CEP128: variants seen among roughly 807,000 people sequenced by gnomAD.
CEP128 encodes the protein centrosomal protein 128kDa.
Under a neutral mutation model 156.7 loss-of-function variants are expected in CEP128, and 132 were observed. That is an observed-to-expected ratio of 0.84 (90% CI 0.73 to 0.97). The LOEUF (loss-of-function observed/expected upper bound fraction) is 0.97. CEP128 is among the 50% of genes least tolerant of loss of function. The pLI, the probability that CEP128 is intolerant of heterozygous loss-of-function variation, is 0.00. For missense variants in CEP128, 1,252 were observed against 1,281.9 expected (o/e 0.98, Z 0.36); for synonymous variants, 469 against 448.9 (o/e 1.04, Z -0.57).
At chr14:80,691,405 T>C (rs940068855) in intron 19 of CEP128, among the ~76,000 whole-genome samples, 2 of 152,206 alleles carry the variant, frequency 1.3e-5, no homozygotes, top group South Asian at 2.1e-4. Flanking sequence ...CTCCCCACTA[T>C]TGGGGTTAGA....
At chr14:80,667,488 T>C (rs1050540842) in intron 19 of CEP128, among the ~76,000 whole-genome samples, 5 of 152,110 alleles carry the variant, frequency 3.3e-5, no homozygotes, top group African/African-American at 1.2e-4. Flanking sequence ...ACAATAAAAA[T>C]GAGTTTTTGA....
intron 2 of CEP128, among the ~76,000 whole-genome samples, chr14:80,919,858 G>C (rs1174588893): frequency 6.6e-6 from 1 of 152,126 alleles, no homozygotes; most frequent in Non-Finnish European, 1.5e-5. Context: ...AAAGACTTCA[G>C]CTATAAAGTT....
chr14:80,700,479 A>G (rs1897037367), intron 19 of CEP128, among the ~76,000 whole-genome samples: 1 of 152,170 alleles, frequency 6.6e-6, no homozygotes, highest in Non-Finnish European at 1.5e-5. Context: ...GGGATGGTAG[A>G]AAATAAACCA....
chr14:80,656,874 T>C (rs1486215152), intron 19 of CEP128, among the ~76,000 whole-genome samples: 1 of 152,180 alleles, frequency 6.6e-6, no homozygotes, highest in African/African-American at 2.4e-5. Flanking sequence ...TAATATGATA[T>C]AAACAGAGCG....
At chr14:80,507,706 G>A (rs998414946) in intron 23 of CEP128, among the ~76,000 whole-genome samples, 1 of 152,192 alleles carries the variant, frequency 6.6e-6, no homozygotes, top group Non-Finnish European at 1.5e-5. Context: ...GAGGACAGGA[G>A]TAGAGACACA....
chr14:80,497,489 T>C lies in CEP128; in HGVS notation c.3275A>G (p.Tyr1092Cys), dbSNP rs570304047. The C allele has an allele frequency of 1.1e-5, 17 of 1,607,554 alleles. No individual in the cohort carries two copies. In the African/African-American group the frequency reaches 2.3e-4, roughly 21 times the overall value. ...GTSSQPKKEE[Y>C]GS Reference sequence around the variant, plus strand: ...ATTACATTTGCTTTTTTAGCTCCCATATTCCTCTTTTTTGGGTTGTGAACT... The same window carrying C: ...ATTACATTTGCTTTTTTAGCTCCCACATTCCTCTTTTTTGGGTTGTGAACT... Residue 1092 changes from tyrosine (Y) to cysteine (C), a missense_variant, in exon 25 of 25, where the codon TAT (tyrosine) becomes TGT (cysteine). By Grantham distance (194) the Tyr-to-Cys change is radical. Coordinates refer to ENST00000555265, the MANE Select transcript of CEP128 (RefSeq NM_152446.5).
At chr14:80,607,947 C>T (rs531950891) in intron 19 of CEP128, among the ~76,000 whole-genome samples, 11 of 152,338 alleles carry the variant, frequency 7.2e-5, no homozygotes, top group Non-Finnish European at 1.0e-4. Flanking sequence ...CTCTCCTCCA[C>T]GCAGTCTCAG....
At chr14:80,677,342 T>C (rs1361444206) in intron 19 of CEP128, among the ~76,000 whole-genome samples, 1 of 151,830 alleles carries the variant, frequency 6.6e-6, no homozygotes, top group Non-Finnish European at 1.5e-5. Context: ...AAATGCCGTA[T>C]CTGCTAAAAA....
At position 80,689,670 on chromosome 14, in the gene CEP128, CTG is replaced by C. The variant is rs986603638; in HGVS notation, c.2806+53403_2806+53404del. Among the ~76,000 whole-genome samples the C allele has an allele frequency of 1.1e-4, 17 of 151,564 alleles. No homozygotes were observed. The South Asian group carries it at 1.9e-3, about 17-fold the overall frequency. On this transcript the variant is annotated intron_variant, in intron 19 of 24. Transcript: ENST00000555265. The stretch of plus-strand genomic sequence containing the variant: ...AGAGTTTAAACAATACTGTTGTACT[CTG>C]TGTGTGTGTGTATGTGTATACATAT...
In CEP128 at chr14:80,560,972, C is replaced by T. The variant is rs138585125; in HGVS notation, c.2857-1670G>A. On this transcript the variant is annotated intron_variant, in intron 20 of 24. Coordinates refer to ENST00000555265, the MANE Select transcript of CEP128 (RefSeq NM_152446.5). ...ACAAGAAGTAAAGAGAGAAAAATGG[C>T]GCACAGAATGACTCAGCCCAGGTCT... is the stretch of plus-strand genomic sequence containing the variant. Among the ~76,000 whole-genome samples the T allele has an allele frequency of 6.4e-3, 978 of 152,230 alleles. 4 individuals are homozygous for T. The highest frequency in any genetic ancestry group is 7.0e-3 in the African/African-American group (291 of 41,534).
chr14:80,566,508 T>C (rs909261139), intron 20 of CEP128, among the ~76,000 whole-genome samples: 16 of 152,102 alleles, frequency 1.1e-4, no homozygotes, highest in African/African-American at 3.6e-4. Context: ...TTAAAAAAAA[T>C]TCAAACAAAA....
intron 19 of CEP128, 142 bp from the exon 20 acceptor site, chr14:80,580,565 A>G: frequency 1.7e-6 from 1 of 576,684 alleles, no homozygotes; most frequent in African/African-American, 1.8e-5. Context: ...AAGCCATGTA[A>G]AAGAAACACG....
intron 19 of CEP128, among the ~76,000 whole-genome samples, chr14:80,588,595 G>T (rs1346916607): frequency 2.0e-5 from 3 of 151,856 alleles, no homozygotes; most frequent in Non-Finnish European, 2.9e-5. Flanking sequence ...AACTTGATTG[G>T]TCAACAAATC....
In CEP128 at chr14:80,928,961, C is replaced by T. The variant is rs550004431; in HGVS notation, c.-16+10424G>A. ...ACAACCTACAGGATGGGAGAAAATA[C>T]TTGCAAATTATATATCCAACAAAGG... On this transcript the variant is annotated intron_variant, in intron 2 of 24. Coordinates refer to ENST00000555265, the MANE Select transcript of CEP128 (RefSeq NM_152446.5). Among the ~76,000 whole-genome samples, 10 of 151,822 alleles carry T rather than the reference C, an allele frequency of 6.6e-5. No individual in the cohort carries two copies. The South Asian group carries it at 2.1e-3, about 32-fold the overall frequency.
chr14:80,484,996 C>T (rs1278636467), intron 14 of CEP128, among the ~76,000 whole-genome samples: 1 of 152,112 alleles, frequency 6.6e-6, no homozygotes, highest in Non-Finnish European at 1.5e-5. Flanking sequence ...ACATTGTCTA[C>T]AGCTCAAAAG....
chr14:80,689,140 C>A (rs368771550), intron 19 of CEP128, among the ~76,000 whole-genome samples: 1 of 151,856 alleles, frequency 6.6e-6, no homozygotes, highest in African/African-American at 2.4e-5. Context: ...CACTTGAGAT[C>A]AGGAATTCAA....
At chr14:80,612,864 T>C (rs1893048346) in intron 19 of CEP128, among the ~76,000 whole-genome samples, 1 of 152,092 alleles carries the variant, frequency 6.6e-6, no homozygotes, top group Non-Finnish European at 1.5e-5. Flanking sequence ...TTTTTGTTTT[T>C]TTCATCTCGC....
At position 80,733,323 on chromosome 14, in the gene CEP128, T is replaced by G. The variant is rs1443740904; in HGVS notation, c.2806+9752A>C. On this transcript the variant is annotated intron_variant, in intron 19 of 24. Transcript: ENST00000555265. Reference sequence around the variant, plus strand: ...CATAGATCTTGGGACTTCTCAGTCTTCATAACCACATGGGTCGTGTGTGTG... The same window carrying G: ...CATAGATCTTGGGACTTCTCAGTCTGCATAACCACATGGGTCGTGTGTGTG... 2.7e-5 allele frequency among the ~76,000 whole-genome samples: 4 copies of G among 149,340 alleles called. No homozygotes were observed. The East Asian group carries it at 7.9e-4, about 30-fold the overall frequency.
intron 19 of CEP128, among the ~76,000 whole-genome samples, chr14:80,634,101 A>C (rs1012240490): frequency 9.2e-5 from 14 of 152,228 alleles, no homozygotes; most frequent in Non-Finnish European, 2.1e-4. Flanking sequence ...CTGCTGCGTT[A>C]CTAAGTTTAG....
Sources: allele counts gnomAD v4.1 joint callset (sites outside exome capture counted in the v4.1 genomes callset), GRCh38; gene constraint gnomAD v4.1.1; transcripts MANE v1.5; gene names NCBI Gene and HGNC (gene_info 2026-07-23, HGNC 2026-07-21).